The following GNAI1 variants were observed in gnomAD, a reference collection of about 807,000 sequenced individuals.
GNAI1 encodes G protein subunit alpha i1.
GNAI1 carries 11 observed loss-of-function variants against 38.9 expected under a neutral mutation model. The ratio of observed to expected loss-of-function variants is 0.28; its 90% confidence interval spans 0.18 to 0.47. The LOEUF (loss-of-function observed/expected upper bound fraction) is 0.47, where lower values mean the gene tolerates loss of function less well. GNAI1 is among the 20% of genes least tolerant of loss of function. The probability of loss-of-function intolerance (pLI) is 0.99; values close to 1 mark genes in which losing one functional copy is unlikely to be tolerated. For missense variants in GNAI1, 317 were observed against 436.9 expected (o/e 0.73, Z 2.45); for synonymous variants, 166 against 145.1 (o/e 1.14, Z -1.04).
chr7:80,208,537 A>G (rs1788817559), intron 5 of GNAI1, among the ~76,000 whole-genome samples: 2 of 152,130 alleles, frequency 1.3e-5, no homozygotes, highest in African/African-American at 4.8e-5. Flanking sequence ...CCTCAAAAGG[A>G]TGGTCCCCCA....
chr7:80,196,414 T>G (rs576582147), intron 3 of GNAI1, among the ~76,000 whole-genome samples: 1 of 152,178 alleles, frequency 6.6e-6, no homozygotes, highest in South Asian at 2.1e-4. Context: ...ATTCTTTTTC[T>G]ACTCTGTATC....
chr7:80,207,688 GTCA>G (rs1258969313), intron 5 of GNAI1, among the ~76,000 whole-genome samples: 2 of 145,642 alleles, frequency 1.4e-5, no homozygotes, highest in African/African-American at 2.8e-5. Context: ...CTTGAGTGTG[GTCA>G]TCATTTTGTG....
At chr7:80,192,156 A>G (rs192762408) in intron 3 of GNAI1, among the ~76,000 whole-genome samples, 2 of 152,304 alleles carry the variant, frequency 1.3e-5, no homozygotes, top group East Asian at 3.9e-4. Context: ...ATAGTACATT[A>G]CAGAACTGTT....
intron 1 of GNAI1, among the ~76,000 whole-genome samples, chr7:80,184,179 G>A (rs776920660): frequency 1.3e-5 from 2 of 152,160 alleles, no homozygotes; most frequent in South Asian, 2.1e-4. Context: ...GAATTCGGCC[G>A]AGGGGCATAA....
chr7:80,153,668 T>A (rs1787766831), intron 1 of GNAI1, among the ~76,000 whole-genome samples: 1 of 152,192 alleles, frequency 6.6e-6, no homozygotes, highest in African/African-American at 2.4e-5. Context: ...AAATACTTTT[T>A]TCCTGAGGTC....
intron 1 of GNAI1, among the ~76,000 whole-genome samples, chr7:80,151,858 A>G (rs1382276983): frequency 6.6e-6 from 1 of 152,158 alleles, no homozygotes; most frequent in Admixed American, 6.5e-5. Flanking sequence ...AGGAAACATT[A>G]TTTACGGGAG....
At chr7:80,201,349 TG>T (rs529823828) in intron 4 of GNAI1, among the ~76,000 whole-genome samples, 1 of 152,126 alleles carries the variant, frequency 6.6e-6, no homozygotes, top group Non-Finnish European at 1.5e-5. Flanking sequence ...TCTCACTGTA[TG>T]GGGGAACTTC....
At chr7:80,180,523 A>G (rs1788274973) in intron 1 of GNAI1, among the ~76,000 whole-genome samples, 1 of 152,164 alleles carries the variant, frequency 6.6e-6, no homozygotes, top group Admixed American at 6.6e-5. Context: ...TCTTTTGTGC[A>G]GCATGCAGTG....
intron 3 of GNAI1, among the ~76,000 whole-genome samples, chr7:80,197,838 A>G (rs932585645): frequency 2.6e-5 from 4 of 152,108 alleles, no homozygotes. Flanking sequence ...AACAGCATGA[A>G]TTTATATTGT....
intron 1 of GNAI1, among the ~76,000 whole-genome samples, chr7:80,161,686 G>A (rs1429156648): frequency 1.3e-5 from 2 of 152,086 alleles, no homozygotes; most frequent in Non-Finnish European, 2.9e-5. Flanking sequence ...TTAATGCTGT[G>A]CTTGTTTCTA....
intron 1 of GNAI1, among the ~76,000 whole-genome samples, chr7:80,170,342 T>C (rs573018629): frequency 6.6e-6 from 1 of 152,312 alleles, no homozygotes; most frequent in South Asian, 2.1e-4. Flanking sequence ...CTAGTGGGTG[T>C]GAAGTAGTAC....
chr7:80,176,873 G>A (rs560320371), intron 1 of GNAI1, among the ~76,000 whole-genome samples: 2 of 148,600 alleles, frequency 1.3e-5, no homozygotes, highest in Admixed American at 6.7e-5. Flanking sequence ...GGAGGCTGAG[G>A]CTGCAGTGAG....
rs1358944939 is a variant in GNAI1 at position 80,224,017 on chromosome 7, C to T, written c.*6524C>T. 6.6e-6 allele frequency among the ~76,000 whole-genome samples: 1 copy of T among 152,122 alleles called. No homozygotes were observed. The highest frequency in any genetic ancestry group is 1.5e-5 in the Non-Finnish European group (1 of 68,018). On this transcript the variant is annotated 3_prime_UTR_variant, in exon 8 of 8. Coordinates refer to ENST00000649796, the MANE Select transcript of GNAI1 (RefSeq NM_002069.6). ...CCCTTTCTTCTTTCTGAGAGCCCCACCTCTGATCCTCCTACACTTAAGGCT... is the reference window on the plus strand; with the variant it reads ...CCCTTTCTTCTTTCTGAGAGCCCCATCTCTGATCCTCCTACACTTAAGGCT...
rs1789091296 is a variant in GNAI1 at position 80,222,221 on chromosome 7, G to A, written c.*4728G>A. On this transcript the variant is annotated 3_prime_UTR_variant, in exon 8 of 8. Transcript: ENST00000649796. The stretch of plus-strand genomic sequence containing the variant: ...AATTGTCCAAGCCAGAGCTGATTAG[G>A]CCTCAACTGGAATAGTCCCACCATG... Among the ~76,000 whole-genome samples, 1 of 152,028 alleles carries A rather than the reference G, an allele frequency of 6.6e-6. No homozygotes were observed. The highest frequency in any genetic ancestry group is 1.5e-5 in the Non-Finnish European group (1 of 67,992).
At chr7:80,202,639 T>C (rs999035860) in intron 4 of GNAI1, among the ~76,000 whole-genome samples, 2 of 152,200 alleles carry the variant, frequency 1.3e-5, no homozygotes, top group African/African-American at 4.8e-5. Flanking sequence ...GGCTGTCATC[T>C]CTCTATGTAT....
intron 1 of GNAI1, among the ~76,000 whole-genome samples, chr7:80,158,632 C>T (rs1787860251): frequency 6.6e-6 from 1 of 152,196 alleles, no homozygotes; most frequent in African/African-American, 2.4e-5. Flanking sequence ...TTCCTGAGGC[C>T]TCCCCAGCCA....
chr7:80,176,749 C>G (rs547262093), intron 1 of GNAI1, among the ~76,000 whole-genome samples: 2 of 151,832 alleles, frequency 1.3e-5, no homozygotes, highest in East Asian at 4.0e-4. Flanking sequence ...CCAGCCTGGC[C>G]AACATGGTGA....
chr7:80,165,985 A>T (rs1257399242), intron 1 of GNAI1, among the ~76,000 whole-genome samples: 1 of 152,046 alleles, frequency 6.6e-6, no homozygotes, highest in African/African-American at 2.4e-5. Context: ...ACAAATAGGG[A>T]TTTTGGGCAA....
intron 3 of GNAI1, among the ~76,000 whole-genome samples, chr7:80,196,499 C>T (rs1788576844): frequency 6.6e-6 from 1 of 151,882 alleles, no homozygotes; most frequent in African/African-American, 2.4e-5. Context: ...TTGCAAAGAC[C>T]TCATTCCATG....
Sources: gnomAD v4.1 joint callset for allele counts (sites outside exome capture counted in the v4.1 genomes callset) on GRCh38, gnomAD v4.1.1 for gene constraint, MANE v1.5 for transcripts, NCBI Gene and HGNC (gene_info 2026-07-23, HGNC 2026-07-21) for gene names.